The following MYH9 variants were observed in gnomAD, a reference collection of about 807,000 sequenced individuals.
MYH9 encodes the protein myosin-9.
A neutral mutation model predicts 241.9 loss-of-function variants in MYH9; 29 were observed. The observed-to-expected ratio is 0.12, with a 90% confidence interval of 0.09 to 0.16. The LOEUF (loss-of-function observed/expected upper bound fraction) is 0.16, where lower values mean the gene tolerates loss of function less well. Among genes scored for constraint, MYH9 ranks in the 10% least tolerant of loss-of-function variants. The pLI is 1.00. For missense variants in MYH9, 1,803 were observed against 2,595.5 expected, an observed-to-expected ratio of 0.69 and a Z score of 6.63; for synonymous variants, 1,047 against 1,062.6, an observed-to-expected ratio of 0.99 and a Z score of 0.29.
chr22:36,316,035 C>T (rs1603483343), intron 12 of MYH9, among the ~76,000 whole-genome samples: 2 of 116,990 alleles, frequency 1.7e-5, no homozygotes, highest in East Asian at 2.4e-4. Flanking sequence ...GAGACCCTGA[C>T]TTTTTTTTTT....
chr22:36,371,205 T>G (rs1418065933), intron 1 of MYH9, among the ~76,000 whole-genome samples: 1 of 152,200 alleles, frequency 6.6e-6, no homozygotes, highest in Non-Finnish European at 1.5e-5. Flanking sequence ...TAACTCCCAG[T>G]ACCGCAGAAT....
chr22:36,303,239 GAGTGTGC>G (rs2016912280), intron 19 of MYH9, among the ~76,000 whole-genome samples: 1 of 151,958 alleles, frequency 6.6e-6, no homozygotes, highest in Admixed American at 6.5e-5. Context: ...ACAAGGGGAC[GAGTGTGC>G]AGTGCCCACA....
At chr22:36,318,405 G>T in intron 10 of MYH9, 80 bp from the exon 11 acceptor site, 1 of 1,130,700 alleles carries the variant, frequency 8.8e-7, no homozygotes, top group Non-Finnish European at 1.3e-6. Context: ...AGACCCAAGA[G>T]AATAAGTCCC....
intron 40 of MYH9, among the ~76,000 whole-genome samples, chr22:36,283,018 A>G (rs1036085973): frequency 1.3e-5 from 2 of 152,224 alleles, no homozygotes; most frequent in African/African-American, 2.4e-5. Flanking sequence ...ATCTTCACAC[A>G]CAACAGTAGC....
At chr22:36,344,800 G>A (rs148967999) in intron 2 of MYH9, among the ~76,000 whole-genome samples, 49 of 152,316 alleles carry the variant, frequency 3.2e-4, no homozygotes, top group African/African-American at 1.2e-3. Context: ...GTTCCCTTTC[G>A]TGGGAGGGAG....
intron 4 of MYH9, among the ~76,000 whole-genome samples, 195 bp from the exon 5 acceptor site, chr22:36,326,856 C>A (rs1043036583): frequency 6.6e-6 from 1 of 152,208 alleles, no homozygotes; most frequent in African/African-American, 2.4e-5. Flanking sequence ...TCTCCAGGGG[C>A]CAGACAGAAG....
chr22:36,363,510 A>G (rs2017966652), intron 1 of MYH9, among the ~76,000 whole-genome samples: 1 of 152,210 alleles, frequency 6.6e-6, no homozygotes, highest in South Asian at 2.1e-4. Flanking sequence ...CAATAGGTTA[A>G]GCAGCTTTTG....
chr22:36,357,572 C>T (rs747135435), intron 1 of MYH9, among the ~76,000 whole-genome samples: 2 of 152,082 alleles, frequency 1.3e-5, no homozygotes, highest in African/African-American at 4.8e-5. Flanking sequence ...TTGGGGGTTG[C>T]GGGGGAAGAC....
intron 2 of MYH9, among the ~76,000 whole-genome samples, chr22:36,347,638 G>A (rs1483180574): frequency 6.6e-6 from 1 of 152,094 alleles, no homozygotes; most frequent in East Asian, 1.9e-4. Context: ...GAGAGGCTAA[G>A]GTGGGAGGAT....
rs1235542659 is a variant in MYH9 at position 36,304,147 on chromosome 22, G to A, written c.2238C>T (p.Ala746=). 4 of 1,613,364 alleles carry A rather than the reference G, an allele frequency of 2.5e-6. No homozygotes were observed. Among genetic ancestry groups the A allele is most frequent in the East Asian group, 2.2e-5 (1 of 44,888 alleles). ...GKQACVLMIK[A]LELDSNLYRI... ...GGTACAGATTGCTGTCGAGCTCCAG[G>A]GCTTTTATCTAGGTGGGAGGAGCAG... Residue 746 remains alanine, a synonymous_variant, in exon 19 of 41, where the codon GCC becomes GCT. Transcript: ENST00000216181.
At chr22:36,311,371 C>A (rs1366361964) in intron 14 of MYH9, among the ~76,000 whole-genome samples, 2 of 152,146 alleles carry the variant, frequency 1.3e-5, no homozygotes, top group African/African-American at 4.8e-5. Flanking sequence ...CCGCACCTCC[C>A]CCCCCGAAAC....
intron 7 of MYH9, 84 bp downstream of exon 7, chr22:36,321,674 G>A (rs1388131460): frequency 4.7e-6 from 6 of 1,286,680 alleles, no homozygotes; most frequent in Non-Finnish European, 6.8e-6. Flanking sequence ...GAAAGTGCTG[G>A]AATCAGGAGG....
Position 36,295,752 on chromosome 22 carries a change from A to G in MYH9, c.3273-35T>C, listed in dbSNP as rs1184164825. ...CGACCAGCAACATCAGTATAAGGAG[A>G]GTTTCACCTCCAAGGAGCAGAGTTT... On this transcript the variant is annotated intron_variant, in intron 25 of 40. Transcript: ENST00000216181. This position sits in a 1 kb window ranked among gnomAD's most constrained non-coding sequence, Gnocchi z 4.1. The G allele has an allele frequency of 1.3e-6, 2 of 1,581,592 alleles. No homozygotes were observed. Among genetic ancestry groups the G allele is most frequent in the Non-Finnish European group, 1.7e-6 (2 of 1,156,940 alleles).
Position 36,285,556 on chromosome 22 carries a change from G to A in MYH9, c.5274+102C>T. 1 of 1,556,978 alleles carries A rather than the reference G, an allele frequency of 6.4e-7. No individual in the cohort carries two copies. The highest frequency in any genetic ancestry group is 1.1e-5 in the South Asian group (1 of 88,026). On this transcript the variant is annotated intron_variant, in intron 37 of 40. Coordinates refer to ENST00000216181, the MANE Select transcript of MYH9 (RefSeq NM_002473.6). The surrounding 1 kb of genome is among the most constrained non-coding windows in gnomAD (Gnocchi z 7.0). ...ACATTTTCCCCTAAGCGCCTGGGGA[G>A]CAGCTGGCACTTGGCCTGTGCTTCT...
Position 36,330,755 on chromosome 22 carries a change from C to T in MYH9, c.491-3267G>A, listed in dbSNP as rs1569536225. On this transcript the variant is annotated intron_variant, in intron 3 of 40. Transcript: ENST00000216181. The surrounding 1 kb of genome is among the most constrained non-coding windows in gnomAD (Gnocchi z 4.5). Reference sequence around the variant, plus strand: ...CAATCTGCTTGTTTTGGCTCGAGTCCTTATTTGGCCTGTAAGGACTGAAGG... The same window carrying T: ...CAATCTGCTTGTTTTGGCTCGAGTCTTTATTTGGCCTGTAAGGACTGAAGG... 1.3e-5 allele frequency among the ~76,000 whole-genome samples: 2 copies of T among 151,992 alleles called. No homozygotes were observed. Among genetic ancestry groups the T allele is most frequent in the Non-Finnish European group, 2.9e-5 (2 of 68,002 alleles).
At chr22:36,372,856 A>G (rs1019712784) in intron 1 of MYH9, among the ~76,000 whole-genome samples, 3 of 152,148 alleles carry the variant, frequency 2.0e-5, no homozygotes, top group Non-Finnish European at 2.9e-5. Context: ...AATTCAGGTC[A>G]GCGGGACTTG....
chr22:36,297,754 G>C (rs1322266487), intron 24 of MYH9, among the ~76,000 whole-genome samples: 2 of 152,232 alleles, frequency 1.3e-5, no homozygotes, highest in East Asian at 1.9e-4. Context: ...CGCACGCTCT[G>C]ATCAACGCTG....
chr22:36,304,950 A>G, intron 18 of MYH9, 83 bp downstream of exon 18: 1 of 1,354,382 alleles, frequency 7.4e-7, no homozygotes, highest in African/African-American at 1.4e-5. Context: ...CCACTGATAT[A>G]GCAAGGTGGG....
At position 36,300,192 on chromosome 22, in the gene MYH9, C is replaced by T. The variant is rs751639664; in HGVS notation, c.2911G>A (p.Ala971Thr). The T allele has an allele frequency of 4.3e-6, 7 of 1,613,522 alleles. No homozygotes were observed. In the East Asian group the frequency reaches 1.6e-4, roughly 36 times the overall value. Residue 971 changes from alanine to threonine, a missense_variant, in exon 23 of 41, where the codon GCG becomes ACG. Ala to Thr is a moderately conservative substitution (Grantham distance 58). Coordinates refer to ENST00000216181, the MANE Select transcript of MYH9 (RefSeq NM_002473.6). This position sits in a 1 kb window ranked among gnomAD's most constrained non-coding sequence, Gnocchi z 5.0. ...TCCTCCTCCAGCTTTTTCAGCTTCG[C>T]CTCGGTGGTCACCTTCTCCAGCTGC... ...KLQLEKVTTE[A>T]KLKKLEEEQI...
Sources: gnomAD v4.1 joint callset for allele counts (sites outside exome capture counted in the v4.1 genomes callset) on GRCh38, gnomAD v4.1.1 for gene constraint, Gnocchi (gnomAD v3.1) non-coding constraint, MANE v1.5 for transcripts, NCBI Gene and HGNC (gene_info 2026-07-23, HGNC 2026-07-21) for gene names.